The following PDE1C variants were observed in gnomAD, a reference collection of about 807,000 sequenced individuals.
The protein encoded by PDE1C is dual specificity calcium/calmodulin-dependent 3',5'-cyclic nucleotide phosphodiesterase 1C.
PDE1C carries 62 observed loss-of-function variants against 93.1 expected under a neutral mutation model. The observed-to-expected ratio is 0.67, with a 90% CI of 0.54 to 0.82. The LOEUF (loss-of-function observed/expected upper bound fraction) is 0.82, where lower values mean the gene tolerates loss of function less well. Among genes scored for constraint, PDE1C ranks in the 40% least tolerant of loss-of-function variants. The pLI, the probability that PDE1C is intolerant of heterozygous loss-of-function variation, is 0.00. For missense variants in PDE1C, 742 were observed against 884.6 expected (o/e 0.84, Z 2.04); for synonymous variants, 325 against 310.1 (o/e 1.05, Z -0.50).
At chr7:31,812,683 T>G (rs1787702502) in intron 15 of PDE1C, among the ~76,000 whole-genome samples, 1 of 152,192 alleles carries the variant, frequency 6.6e-6, no homozygotes. Context: ...TGTTGAGTAG[T>G]TGCAATAGAG....
At chr7:31,864,620 C>A (rs1016745125) in intron 7 of PDE1C, among the ~76,000 whole-genome samples, 2 of 152,132 alleles carry the variant, frequency 1.3e-5, no homozygotes, top group Non-Finnish European at 2.9e-5. Flanking sequence ...TGTTATTGAC[C>A]ATAGCAAAAG....
intron 3 of PDE1C, among the ~76,000 whole-genome samples, chr7:32,133,572 C>T (rs1454131938): frequency 6.6e-6 from 1 of 152,102 alleles, no homozygotes; most frequent in African/African-American, 2.4e-5. Context: ...CTGGATGACC[C>T]CTTCACTTGC....
At chr7:32,086,010 C>T (rs981626913) in intron 3 of PDE1C, among the ~76,000 whole-genome samples, 2 of 151,890 alleles carry the variant, frequency 1.3e-5, no homozygotes, top group East Asian at 3.9e-4. Context: ...CCAGGGCAAT[C>T]AGGCAGGAGA....
chr7:32,293,914 A>G (rs1652218777), intron 1 of PDE1C, among the ~76,000 whole-genome samples: 1 of 152,122 alleles, frequency 6.6e-6, no homozygotes, highest in African/African-American at 2.4e-5. Context: ...AAGGCAGACA[A>G]AACACTCAGC....
At chr7:32,137,099 A>G (rs956946447) in intron 3 of PDE1C, among the ~76,000 whole-genome samples, 1 of 152,216 alleles carries the variant, frequency 6.6e-6, no homozygotes, top group African/African-American at 2.4e-5. Flanking sequence ...CAGATGGAGC[A>G]TAAGACTATC....
intron 2 of PDE1C, among the ~76,000 whole-genome samples, chr7:32,006,947 C>G (rs1359293110): frequency 6.6e-6 from 1 of 152,146 alleles, no homozygotes; most frequent in Admixed American, 6.5e-5. Context: ...TCTGGCATAT[C>G]AATACTTCAG....
At chr7:32,108,230 C>CAAAAAAAAAAAAAA (rs71559210) in intron 3 of PDE1C, among the ~76,000 whole-genome samples, 3 of 77,062 alleles carry the variant, frequency 3.9e-5, no homozygotes, top group South Asian at 5.2e-4. Context: ...AAAAGCAAGA[C>CAAAAAAAAAAAAAA]AAAAAAAAAA....
chr7:32,067,137 T>C (rs1000684147), intron 1 of PDE1C, among the ~76,000 whole-genome samples: 1 of 151,060 alleles, frequency 6.6e-6, no homozygotes, highest in African/African-American at 2.4e-5. Context: ...TAAGATAGAG[T>C]GTTTAAAACT....
intron 2 of PDE1C, among the ~76,000 whole-genome samples, chr7:31,989,057 AAT>A (rs1266787508): frequency 6.6e-6 from 1 of 151,264 alleles, no homozygotes; most frequent in African/African-American, 2.4e-5. Flanking sequence ...AAAGAGAAAA[AAT>A]AGAGAAGAAA....
chr7:32,230,077 C>T (rs1487285465), intron 1 of PDE1C, among the ~76,000 whole-genome samples: 2 of 152,152 alleles, frequency 1.3e-5, no homozygotes, highest in Non-Finnish European at 1.5e-5. Flanking sequence ...CCTCTGTAGG[C>T]CTGTCAGGTC....
intron 2 of PDE1C, among the ~76,000 whole-genome samples, chr7:31,887,222 G>A (rs1798065379): frequency 6.6e-6 from 1 of 152,144 alleles, no homozygotes; most frequent in African/African-American, 2.4e-5. Context: ...TTGCTTTTAA[G>A]AATTTCTGGG....
At chr7:32,307,891 G>A (rs1343684417) in intron 1 of PDE1C, among the ~76,000 whole-genome samples, 2 of 152,224 alleles carry the variant, frequency 1.3e-5, no homozygotes, top group East Asian at 1.9e-4. Flanking sequence ...GCAGGACAGT[G>A]GGTGCAGCGC....
At chr7:32,183,807 T>C (rs1418717078) in intron 2 of PDE1C, among the ~76,000 whole-genome samples, 1 of 152,100 alleles carries the variant, frequency 6.6e-6, no homozygotes, top group Non-Finnish European at 1.5e-5. Flanking sequence ...AAATAGGATC[T>C]AATTAAACTA....
At chr7:32,290,769 G>T (rs550699130) in intron 1 of PDE1C, among the ~76,000 whole-genome samples, 1 of 152,214 alleles carries the variant, frequency 6.6e-6, no homozygotes, top group African/African-American at 2.4e-5. Context: ...GAGGAAATGG[G>T]AACACATGGA....
intron 1 of PDE1C, among the ~76,000 whole-genome samples, chr7:32,330,625 TTAA>T (rs1342722994): frequency 6.6e-6 from 1 of 152,224 alleles, no homozygotes; most frequent in Non-Finnish European, 1.5e-5. Flanking sequence ...TGAGTTTGTA[TTAA>T]TAACCCCTGC....
intron 3 of PDE1C, among the ~76,000 whole-genome samples, chr7:32,128,557 T>C (rs1421707310): frequency 6.6e-6 from 1 of 151,966 alleles, no homozygotes; most frequent in African/African-American, 2.4e-5. Flanking sequence ...TTTGACTTCA[T>C]TATTCAGTTA....
At chr7:31,960,256 AG>A (rs1287601681) in intron 2 of PDE1C, among the ~76,000 whole-genome samples, 1 of 152,224 alleles carries the variant, frequency 6.6e-6, no homozygotes, top group African/African-American at 2.4e-5. Context: ...CAAAGTGAAA[AG>A]CCCAACAACG....
upstream of PDE1C, chr7:32,428,136 G>GCGGGC (rs1276427778): frequency 6.6e-6 from 1 of 152,396 alleles, no homozygotes; most frequent in Non-Finnish European, 1.5e-5. Context: ...GCCCATCTCA[G>GCGGGC]CGGGCCGGGC....
intron 1 of PDE1C, among the ~76,000 whole-genome samples, chr7:32,267,161 G>A (rs114264076): frequency 0.023 from 3,427 of 152,290 alleles, 125 homozygotes; most frequent in African/African-American, 0.075. Context: ...CCTCCCTGTC[G>A]TTAGAGACCC....
Sources: gnomAD v4.1 joint callset for allele counts (sites outside exome capture counted in the v4.1 genomes callset) on GRCh38, gnomAD v4.1.1 for gene constraint, MANE v1.5 for transcripts, NCBI Gene and HGNC (gene_info 2026-07-23, HGNC 2026-07-21) for gene names.